UMAD1: variants seen among roughly 807,000 people sequenced by gnomAD.
The protein encoded by UMAD1 is UBAP1-MVB12-associated (UMA) domain containing 1.
A neutral mutation model predicts 6.1 loss-of-function variants in UMAD1; 8 were observed. The ratio of observed to expected loss-of-function variants is 1.30; its 90% CI spans 0.76 to 2.35. The LOEUF is 2.35. Among genes scored for constraint, UMAD1 ranks in the 30% most tolerant of loss-of-function variants. The pLI is 0.00. For missense variants in UMAD1, 130 were observed against 78.4 expected (o/e 1.66, Z -2.49); for synonymous variants, 56 against 31.4 (o/e 1.78, Z -2.61).
chr7:7,802,155 A>G (rs867165541), intron 3 of UMAD1, among the ~76,000 whole-genome samples: 1 of 152,180 alleles, frequency 6.6e-6, no homozygotes, highest in South Asian at 2.1e-4. Context: ...CTAGGCGGGT[A>G]GATCACGAGG....
At chr7:7,826,527 C>T (rs1249700365) in intron 3 of UMAD1, among the ~76,000 whole-genome samples, 10 of 152,214 alleles carry the variant, frequency 6.6e-5, no homozygotes, top group South Asian at 4.1e-4. Flanking sequence ...TTATTTCTTT[C>T]GCCTCAATTG....
intron 2 of UMAD1, among the ~76,000 whole-genome samples, chr7:7,776,288 C>G (rs1371822504): frequency 1.3e-5 from 2 of 152,024 alleles, no homozygotes; most frequent in Non-Finnish European, 2.9e-5. Flanking sequence ...TGGCAAGACC[C>G]CATCTCTAGA....
chr7:7,700,646 G>A (rs557423606), intron 2 of UMAD1, among the ~76,000 whole-genome samples: 3 of 152,296 alleles, frequency 2.0e-5, no homozygotes, highest in East Asian at 1.9e-4. Flanking sequence ...CTAGTACTTT[G>A]GGAGGCCTAG....
chr7:7,866,441 G>A (rs530326584), intron 3 of UMAD1, among the ~76,000 whole-genome samples: 3 of 152,218 alleles, frequency 2.0e-5, no homozygotes, highest in Admixed American at 2.0e-4. Context: ...AGTTGGGGAA[G>A]TCTTTCTAAA....
chr7:7,819,347 C>G (rs1783197973), intron 3 of UMAD1, among the ~76,000 whole-genome samples: 1 of 152,162 alleles, frequency 6.6e-6, no homozygotes, highest in African/African-American at 2.4e-5. Context: ...TATCAAATAA[C>G]ATTCAGCAGT....
At position 7,709,820 on chromosome 7, in the gene UMAD1, AATG is replaced by A. The variant is rs1358698937; in HGVS notation, c.82+36368_82+36370del. ...ATAATGAGAACATATTCAGAATGAC[AATG>A]TGATGAACACCTGTGTACCCACCAA... On this transcript the variant is annotated intron_variant, in intron 2 of 3. Transcript: ENST00000682710. Among the ~76,000 whole-genome samples, 10 of 152,284 alleles carry A rather than the reference AATG, an allele frequency of 6.6e-5. 1 individual carries two copies. Among genetic ancestry groups the A allele is most frequent in the African/African-American group, 2.4e-4 (10 of 41,564 alleles).
intron 2 of UMAD1, among the ~76,000 whole-genome samples, chr7:7,794,785 C>T (rs1046005594): frequency 3.3e-5 from 5 of 152,096 alleles, no homozygotes; most frequent in Admixed American, 6.5e-5. Context: ...AGATTACATC[C>T]GTAGAGAATC....
At chr7:7,666,004 T>C (rs1288190331) in intron 1 of UMAD1, among the ~76,000 whole-genome samples, 1 of 152,170 alleles carries the variant, frequency 6.6e-6, no homozygotes, top group Non-Finnish European at 1.5e-5. Context: ...TGTATACAAG[T>C]GTGGACCTAC....
intron 3 of UMAD1, among the ~76,000 whole-genome samples, chr7:7,855,105 T>C (rs10281564): frequency 0.28 from 41,992 of 152,022 alleles, 7,431 homozygotes; most frequent in African/African-American, 0.5. Flanking sequence ...CTCTGTGGCT[T>C]TGCAGGGTAC....
intron 3 of UMAD1, among the ~76,000 whole-genome samples, chr7:7,850,199 C>G (rs1193946300): frequency 1.3e-5 from 2 of 152,010 alleles, no homozygotes; most frequent in Admixed American, 1.3e-4. Context: ...TATCATAAAA[C>G]TTTTCCTTTA....
chr7:7,665,346 T>G (rs1000628781), intron 1 of UMAD1, among the ~76,000 whole-genome samples: 1 of 152,196 alleles, frequency 6.6e-6, no homozygotes, highest in Non-Finnish European at 1.5e-5. Context: ...TAAAAGTCAA[T>G]ACAGTGTCCT....
At chr7:7,702,480 C>T (rs900218110) in intron 2 of UMAD1, among the ~76,000 whole-genome samples, 1 of 152,136 alleles carries the variant, frequency 6.6e-6, no homozygotes, top group Non-Finnish European at 1.5e-5. Context: ...CAAGTACACT[C>T]CAATAGCTTT....
chr7:7,851,665 A>T (rs934656639), intron 3 of UMAD1, among the ~76,000 whole-genome samples: 1 of 152,030 alleles, frequency 6.6e-6, no homozygotes, highest in Non-Finnish European at 1.5e-5. Flanking sequence ...TAATATGCTT[A>T]TTGGGCTTTT....
chr7:7,860,638 G>A (rs1192476386), intron 3 of UMAD1, among the ~76,000 whole-genome samples: 35 of 148,192 alleles, frequency 2.4e-4, no homozygotes, highest in Admixed American at 2.3e-3. Flanking sequence ...TAGCAGGCAT[G>A]GTGGCGGGCA....
intron 2 of UMAD1, among the ~76,000 whole-genome samples, chr7:7,719,590 C>T (rs140934489): frequency 1.3e-5 from 2 of 152,052 alleles, no homozygotes; most frequent in African/African-American, 4.8e-5. Context: ...GACTTCAAAC[C>T]GACTGTATAT....
intron 2 of UMAD1, among the ~76,000 whole-genome samples, chr7:7,750,537 C>G (rs17137233): frequency 6.6e-6 from 1 of 151,960 alleles, no homozygotes; most frequent in South Asian, 2.1e-4. Context: ...TAATGACGGC[C>G]CATTTTATAT....
intron 2 of UMAD1, among the ~76,000 whole-genome samples, chr7:7,734,420 T>G (rs1199932490): frequency 6.6e-6 from 1 of 152,178 alleles, no homozygotes; most frequent in Non-Finnish European, 1.5e-5. Context: ...CCTTAAGAAT[T>G]TCATGATAAT....
chr7:7,837,258 A>T (rs1783589048), intron 3 of UMAD1, among the ~76,000 whole-genome samples: 1 of 152,080 alleles, frequency 6.6e-6, no homozygotes, highest in Non-Finnish European at 1.5e-5. Context: ...CAGATATATA[A>T]AACCTGAGTG....
At chr7:7,780,218 C>T (rs1417846684) in intron 2 of UMAD1, among the ~76,000 whole-genome samples, 2 of 152,206 alleles carry the variant, frequency 1.3e-5, no homozygotes, top group South Asian at 2.1e-4. Context: ...ACCCCCATCT[C>T]TCTTCTTCAA....
Sources: allele counts gnomAD v4.1 joint callset (sites outside exome capture counted in the v4.1 genomes callset), GRCh38; gene constraint gnomAD v4.1.1; transcripts MANE v1.5; gene names NCBI Gene and HGNC (gene_info 2026-07-23, HGNC 2026-07-21).